The following ADAMTSL1 variants were observed in gnomAD, a reference collection of about 807,000 sequenced individuals.
The protein encoded by ADAMTSL1 is ADAMTS like 1, also known as ADAMTS-like protein 1.
ADAMTSL1 carries 126 observed loss-of-function variants against 201.8 expected under a neutral mutation model. The ratio of observed to expected loss-of-function variants is 0.62; its 90% CI spans 0.54 to 0.72. ADAMTSL1 has a LOEUF of 0.72. Among genes scored for constraint, ADAMTSL1 ranks in the 30% least tolerant of loss-of-function variants. ADAMTSL1 has a pLI of 0.00. For missense variants in ADAMTSL1, 2,679 were observed against 2,277.8 expected (o/e 1.18, Z -3.59); for synonymous variants, 1,121 against 903.4 (o/e 1.24, Z -4.32).
chr9:18,111,724 T>C (rs1825021155), intron 1 of ADAMTSL1, among the ~76,000 whole-genome samples: 1 of 152,172 alleles, frequency 6.6e-6, no homozygotes, highest in African/African-American at 2.4e-5. Context: ...ATAATACAGA[T>C]ACTTTCTTTT....
At chr9:18,038,146 C>G (rs1001615200) in intron 1 of ADAMTSL1, among the ~76,000 whole-genome samples, 13 of 152,320 alleles carry the variant, frequency 8.5e-5, no homozygotes, top group African/African-American at 2.9e-4. Flanking sequence ...GTGTCTTTCA[C>G]TGAAGCGTCA....
At chr9:18,768,214 G>T (rs1324374420) in intron 16 of ADAMTSL1, among the ~76,000 whole-genome samples, 1 of 152,194 alleles carries the variant, frequency 6.6e-6, no homozygotes, top group Non-Finnish European at 1.5e-5. Flanking sequence ...GGCAGGCTTG[G>T]TGCTGATCAG....
chr9:18,026,463 A>G (rs933241005), intron 1 of ADAMTSL1, among the ~76,000 whole-genome samples: 6 of 152,034 alleles, frequency 3.9e-5, no homozygotes, highest in Admixed American at 2.6e-4. Context: ...TATTGAGATG[A>G]TAATGTGGTT....
intron 19 of ADAMTSL1, among the ~76,000 whole-genome samples, chr9:18,794,639 G>T (rs915537839): frequency 0.018 from 1,965 of 111,508 alleles, 34 homozygotes; most frequent in South Asian, 0.043. Flanking sequence ...TTTTTTTGTT[G>T]TTGTTGTTTT....
chr9:18,578,230 T>G (rs1822863832), intron 4 of ADAMTSL1, among the ~76,000 whole-genome samples: 1 of 152,214 alleles, frequency 6.6e-6, no homozygotes, highest in African/African-American at 2.4e-5. Flanking sequence ...AGATTTTGTC[T>G]AGCTGTAATT....
In ADAMTSL1 at chr9:18,557,524, T is replaced by G. The variant is rs193061626; in HGVS notation, c.238-16506T>G. Among the ~76,000 whole-genome samples the G allele has an allele frequency of 3.3e-5, 5 of 152,144 alleles. No individual in the cohort carries two copies. The East Asian group carries it at 9.6e-4, about 29-fold the overall frequency. ...ATTTCAAGTCATTCATGGTGCTGTG[T>G]TGCATGCCGCCAGTAAAGGAGCATT... On this transcript the variant is annotated intron_variant, in intron 3 of 28. Coordinates refer to ENST00000380548, the MANE Select transcript of ADAMTSL1 (RefSeq NM_001040272.6).
rs372167741 is a variant in ADAMTSL1, at chr9:18,673,722, AT to A, written c.1086-2129del. The stretch of plus-strand genomic sequence containing the variant: ...TGAAGATGACAAATTACAGCCATAA[AT>A]TTTTTCAGGAGAGAAGGCAATGGTA... On this transcript the variant is annotated intron_variant, in intron 9 of 28. Coordinates refer to ENST00000380548, the MANE Select transcript of ADAMTSL1 (RefSeq NM_001040272.6). 4.9e-4 allele frequency among the ~76,000 whole-genome samples: 75 copies of A among 152,234 alleles called. 1 individual carries two copies. The highest frequency in any genetic ancestry group is 1.6e-3 in the African/African-American group (67 of 41,552).
intron 1 of ADAMTSL1, among the ~76,000 whole-genome samples, chr9:18,487,596 T>C (rs1822061442): frequency 6.6e-6 from 1 of 152,212 alleles, no homozygotes; most frequent in South Asian, 2.1e-4. Flanking sequence ...TACTGTGCTA[T>C]TTGTTTATGT....
intron 7 of ADAMTSL1, among the ~76,000 whole-genome samples, chr9:18,650,040 C>T (rs1353447039): frequency 6.6e-6 from 1 of 152,206 alleles, no homozygotes; most frequent in Non-Finnish European, 1.5e-5. Flanking sequence ...GTGGTGGGCT[C>T]CACCCAGTTC....
At chr9:18,450,817 G>A (rs1224859822) in intron 2 of ADAMTSL1, among the ~76,000 whole-genome samples, 1 of 152,142 alleles carries the variant, frequency 6.6e-6, no homozygotes, top group Non-Finnish European at 1.5e-5. Flanking sequence ...CATTTCCATT[G>A]TCCACTCTAC....
chr9:17,932,790 T>A (rs1028784916), intron 1 of ADAMTSL1, among the ~76,000 whole-genome samples: 2 of 152,190 alleles, frequency 1.3e-5, no homozygotes, highest in Non-Finnish European at 2.9e-5. Flanking sequence ...CATGTTGTCC[T>A]TTTTTGAAAC....
intron 1 of ADAMTSL1, among the ~76,000 whole-genome samples, chr9:18,077,965 A>G (rs1823308146): frequency 1.3e-5 from 2 of 152,174 alleles, no homozygotes; most frequent in African/African-American, 4.8e-5. Context: ...TGGGGTCTCA[A>G]CGAAGAAAGA....
intron 1 of ADAMTSL1, among the ~76,000 whole-genome samples, chr9:18,118,634 T>C (rs1477305110): frequency 2.0e-5 from 3 of 152,134 alleles, no homozygotes; most frequent in Non-Finnish European, 2.9e-5. Flanking sequence ...AGAAACAGCA[T>C]GGCCAAGTAT....
intron 3 of ADAMTSL1, among the ~76,000 whole-genome samples, chr9:18,547,176 A>G (rs1820517318): frequency 6.6e-6 from 1 of 152,142 alleles, no homozygotes. Flanking sequence ...TTGTACTCTC[A>G]AATGTTTTAA....
intron 1 of ADAMTSL1, among the ~76,000 whole-genome samples, chr9:18,503,441 A>ATATATATATATATATATATATATAT (rs1822953348): frequency 2.1e-5 from 3 of 146,144 alleles, no homozygotes; most frequent in African/African-American, 5.2e-5. Flanking sequence ...ATATATATAT[A>ATATATATATATATATATATATATAT]CCACATTTTG....
At position 18,574,004 on chromosome 9, in the gene ADAMTSL1, A is replaced by G. The variant is rs372350270; in HGVS notation, c.238-26A>G. The stretch of plus-strand genomic sequence containing the variant: ...TTGGGGGTATCCTCCTAACCTTTGT[A>G]TGTCCTTTCTCTCTTTTTTCTCCAG... On this transcript the variant is annotated intron_variant, in intron 3 of 28. Coordinates refer to ENST00000380548, the MANE Select transcript of ADAMTSL1 (RefSeq NM_001040272.6). The G allele has an allele frequency of 2.5e-6, 4 of 1,593,694 alleles. No individual in the cohort carries two copies. In the African/African-American group the frequency reaches 5.4e-5, roughly 21 times the overall value.
intron 2 of ADAMTSL1, among the ~76,000 whole-genome samples, chr9:18,514,958 G>C (rs1453388823): frequency 6.6e-6 from 1 of 152,166 alleles, no homozygotes; most frequent in Non-Finnish European, 1.5e-5. Context: ...TCTATGCCTA[G>C]TTTGAGAGTT....
intron 3 of ADAMTSL1, among the ~76,000 whole-genome samples, chr9:18,553,879 A>G (rs1185342614): frequency 6.6e-6 from 1 of 151,836 alleles, no homozygotes; most frequent in Admixed American, 6.6e-5. Flanking sequence ...TCTTTGTAGA[A>G]ATGAATCATT....
chr9:18,514,388 G>A (rs111755345), intron 2 of ADAMTSL1, among the ~76,000 whole-genome samples: 2 of 145,316 alleles, frequency 1.4e-5, no homozygotes, highest in South Asian at 2.2e-4. Context: ...GGAGTGCAGC[G>A]GCACTATCTC....
Sources: gnomAD v4.1 joint callset for allele counts (sites outside exome capture counted in the v4.1 genomes callset) on GRCh38, gnomAD v4.1.1 for gene constraint, MANE v1.5 for transcripts, NCBI Gene and HGNC (gene_info 2026-07-23, HGNC 2026-07-21) for gene names.